Variants in CDH13 observed in about 807,000 individuals in gnomAD.
The protein encoded by CDH13 is cadherin 13.
Under a neutral mutation model 63.8 loss-of-function variants are expected in CDH13, and 24 were observed. That is an observed-to-expected ratio of 0.38 (90% CI 0.27 to 0.53). CDH13 has a LOEUF of 0.53. Among genes scored for constraint, CDH13 ranks in the 20% least tolerant of loss-of-function variants. The probability of loss-of-function intolerance (pLI) is 0.85; values close to 1 mark genes in which losing one functional copy is unlikely to be tolerated. For missense variants in CDH13, 1,049 were observed against 903.1 expected (o/e 1.16, Z -2.07); for synonymous variants, 503 against 355.3 (o/e 1.42, Z -4.67).
At chr16:83,686,408 G>A (rs1193596362) in intron 10 of CDH13, among the ~76,000 whole-genome samples, 3 of 152,098 alleles carry the variant, frequency 2.0e-5, no homozygotes, top group Admixed American at 6.5e-5. Flanking sequence ...GACTTTCCAC[G>A]GGCCTACAAA....
chr16:82,747,786 T>G (rs912973686), intron 1 of CDH13, among the ~76,000 whole-genome samples: 2 of 152,222 alleles, frequency 1.3e-5, no homozygotes, highest in Non-Finnish European at 2.9e-5. Context: ...TGTCAACTCT[T>G]GGGATTTAGG....
chr16:82,812,671 G>A (rs571953593), intron 1 of CDH13, among the ~76,000 whole-genome samples: 9 of 152,292 alleles, frequency 5.9e-5, no homozygotes, highest in African/African-American at 2.2e-4. Flanking sequence ...AAGAAATGGA[G>A]ATAACAGTTA....
intron 3 of CDH13, among the ~76,000 whole-genome samples, chr16:83,095,016 A>T (rs544559716): frequency 6.6e-6 from 1 of 152,322 alleles, no homozygotes; most frequent in South Asian, 2.1e-4. Flanking sequence ...TGCAGTCTGC[A>T]GTGCATTTCT....
At position 82,998,862 on chromosome 16, in the gene CDH13, CTT is replaced by C. The variant is rs200853526; in HGVS notation, c.158-33132_158-33131del. Among the ~76,000 whole-genome samples, 457 of 128,452 alleles carry C rather than the reference CTT, an allele frequency of 3.6e-3. 1 individual carries two copies. Among genetic ancestry groups the C allele is most frequent in the African/African-American group, 9.2e-3 (307 of 33,376 alleles). The allele number at this position is 128,452 out of a possible 152,430, so 84.3% of individuals were successfully genotyped here. On this transcript the variant is annotated intron_variant, in intron 2 of 13. Transcript: ENST00000567109. ...GCTGCCATGTAATTTCCCCTTGATC[CTT>C]TTTTTTTTTTTTTTTGCAGATACTG...
chr16:83,025,118 T>C (rs1274654302), intron 2 of CDH13, among the ~76,000 whole-genome samples: 1 of 152,208 alleles, frequency 6.6e-6, no homozygotes, highest in African/African-American at 2.4e-5. Flanking sequence ...ATGGCAATAA[T>C]GGTGATCATT....
intron 6 of CDH13, among the ~76,000 whole-genome samples, chr16:83,452,939 C>T (rs907100292): frequency 6.6e-6 from 1 of 152,172 alleles, no homozygotes; most frequent in South Asian, 2.1e-4. Context: ...AGGGCTTAAG[C>T]ACAAGTCCCT....
chr16:83,336,498 C>T (rs1302755697), intron 5 of CDH13, among the ~76,000 whole-genome samples: 2 of 152,066 alleles, frequency 1.3e-5, no homozygotes, highest in African/African-American at 4.8e-5. Flanking sequence ...TGAGAGATAT[C>T]TTATCTGTCT....
chr16:83,347,279 C>T (rs1186789174), intron 6 of CDH13, among the ~76,000 whole-genome samples: 2 of 145,398 alleles, frequency 1.4e-5, no homozygotes, highest in Non-Finnish European at 3.0e-5. Flanking sequence ...ATGCTCTGCT[C>T]ATCTGTGGCT....
chr16:83,364,959 G>T (rs2091230806), intron 6 of CDH13, among the ~76,000 whole-genome samples: 1 of 152,174 alleles, frequency 6.6e-6, no homozygotes. Flanking sequence ...AATACCTAAG[G>T]CATGCGGGGC....
rs563960483 is a variant in CDH13, at chr16:82,720,339, T to G, written c.45+93202T>G. Among the ~76,000 whole-genome samples, 4 of 152,334 alleles carry G rather than the reference T, an allele frequency of 2.6e-5. No individual in the cohort carries two copies. The South Asian group carries it at 8.3e-4, about 32-fold the overall frequency. ...TTTTATTGTGCATTTTTATGATTAT[T>G]ATACACAGTACTTCATGAGTTTTTG... On this transcript the variant is annotated intron_variant, in intron 1 of 13. Coordinates refer to ENST00000567109, the MANE Select transcript of CDH13 (RefSeq NM_001257.5).
chr16:83,437,403 C>A (rs1266423755), intron 6 of CDH13, among the ~76,000 whole-genome samples: 2 of 152,092 alleles, frequency 1.3e-5, no homozygotes, highest in Non-Finnish European at 2.9e-5. Flanking sequence ...TGGCCGGGTA[C>A]GGTGGCTCAT....
rs11440971 is a variant in CDH13, at chr16:83,755,750, C to CAA, written c.1681+7513_1681+7514dup. Reference sequence around the variant, plus strand: ...CAAGGTGAATTAAAGACTTTTGGGGCAAAAAAAAAAAAAATGGAATTGTAT... The same window carrying CAA: ...CAAGGTGAATTAAAGACTTTTGGGGCAAAAAAAAAAAAAAAATGGAATTGTAT... On this transcript the variant is annotated intron_variant, in intron 11 of 13. Transcript: ENST00000567109. 5.8e-4 allele frequency among the ~76,000 whole-genome samples: 75 copies of CAA among 128,300 alleles called. 2 individuals carry two copies. Among genetic ancestry groups the CAA allele is most frequent in the Admixed American group, 4.4e-3 (58 of 13,332 alleles). 84.2% of individuals were successfully genotyped at this position (128,300 alleles called of 152,430 possible).
chr16:83,230,109 G>A lies in CDH13; in HGVS notation c.636+12612G>A, dbSNP rs371670086. Among the ~76,000 whole-genome samples the A allele has an allele frequency of 2.6e-5, 4 of 152,136 alleles. No homozygotes were observed. In the South Asian group the frequency reaches 8.3e-4, roughly 31 times the overall value. ...AGAGGTCTTGGTCAGAGGTCAGAAA[G>A]GCTGAGAAAAATGGGCAGCTGGCAT... is the stretch of plus-strand genomic sequence containing the variant. On this transcript the variant is annotated intron_variant, in intron 5 of 13. Transcript: ENST00000567109.
chr16:83,147,348 C>A (rs1474021867), intron 4 of CDH13, among the ~76,000 whole-genome samples: 1 of 152,120 alleles, frequency 6.6e-6, no homozygotes, highest in African/African-American at 2.4e-5. Context: ...CTAACTGTGC[C>A]CCTTTGCCTC....
intron 4 of CDH13, among the ~76,000 whole-genome samples, chr16:83,159,811 A>G (rs187650949): frequency 1.3e-5 from 2 of 152,184 alleles, no homozygotes; most frequent in African/African-American, 2.4e-5. Context: ...ACGGTGGGTC[A>G]TGTCTGTAAT....
chr16:83,515,066 T>C (rs770505532), intron 7 of CDH13, among the ~76,000 whole-genome samples: 5 of 152,128 alleles, frequency 3.3e-5, no homozygotes, highest in African/African-American at 7.2e-5. Context: ...GGGGTAGGAA[T>C]CTAGAATCTG....
At chr16:82,946,325 G>A (rs1011346937) in intron 2 of CDH13, among the ~76,000 whole-genome samples, 1 of 152,106 alleles carries the variant, frequency 6.6e-6, no homozygotes, top group Non-Finnish European at 1.5e-5. Flanking sequence ...TCTCAAAAAT[G>A]TAAGTTCTAA....
intron 4 of CDH13, among the ~76,000 whole-genome samples, chr16:83,197,456 G>A (rs894949139): frequency 1.3e-5 from 2 of 152,070 alleles, no homozygotes; most frequent in African/African-American, 4.8e-5. Flanking sequence ...ATGGTCACCT[G>A]TTCACCCCGT....
chr16:83,617,738 A>T (rs1316280762), intron 8 of CDH13, among the ~76,000 whole-genome samples: 1 of 151,746 alleles, frequency 6.6e-6, no homozygotes, highest in Non-Finnish European at 1.5e-5. Context: ...ATCTATTCTA[A>T]TATGCACATA....
Sources: gnomAD v4.1 joint callset for allele counts (sites outside exome capture counted in the v4.1 genomes callset) on GRCh38, gnomAD v4.1.1 for gene constraint, MANE v1.5 for transcripts, NCBI Gene and HGNC (gene_info 2026-07-23, HGNC 2026-07-21) for gene names.